The following CFAP107 variants were observed in gnomAD, a reference collection of about 807,000 sequenced individuals.
The protein encoded by CFAP107 is cilia and flagella associated protein 107.
chr1:12,759,570 A>T, the CFAP107 span: 2 of 1,512,270 alleles, frequency 1.3e-6, no homozygotes, highest in Non-Finnish European at 1.8e-6. Flanking sequence ...CTCATGCAGA[A>T]GGAGCCACAC....
At chr1:12,758,322 A>T in the CFAP107 span, among the ~76,000 whole-genome samples, 15 of 152,244 alleles carry the variant, frequency 9.9e-5, no homozygotes, top group Non-Finnish European at 2.1e-4. Flanking sequence ...AGAAACTGCA[A>T]GAAAATTCCT....
At chr1:12,759,465 G>GA in the CFAP107 span, 3 of 1,614,164 alleles carry the variant, frequency 1.9e-6, no homozygotes, top group South Asian at 2.2e-5. Context: ...GGCTGCCAGA[G>GA]AAGTCTGACT....
At chr1:12,748,971 G>T in the CFAP107 span, among the ~76,000 whole-genome samples, 5 of 152,120 alleles carry the variant, frequency 3.3e-5, no homozygotes, top group South Asian at 6.2e-4. Flanking sequence ...ATTTGAATAG[G>T]CAGGAGAAAG....
chr1:12,754,186 G>T, the CFAP107 span, among the ~76,000 whole-genome samples: 1 of 152,164 alleles, frequency 6.6e-6, no homozygotes, highest in African/African-American at 2.4e-5. Context: ...AATAGCCAAA[G>T]ACAAGCAACC....
the CFAP107 span, chr1:12,759,346 G>A: frequency 6.2e-7 from 1 of 1,614,054 alleles, no homozygotes; most frequent in Non-Finnish European, 8.5e-7. Flanking sequence ...CCACCACCAG[G>A]AGCCCCCACA....
the CFAP107 span, among the ~76,000 whole-genome samples, chr1:12,752,555 TA>T: frequency 0.16 from 7,380 of 46,366 alleles, 184 homozygotes; most frequent in African/African-American, 0.24. Context: ...CGACTCTGTC[TA>T]AAAAAAAAAA....
At chr1:12,746,821 C>T in the CFAP107 span, among the ~76,000 whole-genome samples, 10 of 152,132 alleles carry the variant, frequency 6.6e-5, no homozygotes, top group African/African-American at 2.4e-4. Flanking sequence ...AATACTGTAA[C>T]AGGGTGTCAA....
At chr1:12,755,901 C>A in the CFAP107 span, 7 of 874,424 alleles carry the variant, frequency 8.0e-6, no homozygotes, top group South Asian at 3.0e-5. Context: ...GGCTTAGTAC[C>A]GTCTTGGGGG....
At chr1:12,752,556 A>G in the CFAP107 span, among the ~76,000 whole-genome samples, 1 of 36,568 alleles carries the variant, frequency 2.7e-5, no homozygotes, top group Non-Finnish European at 5.3e-5. Context: ...GACTCTGTCT[A>G]AAAAAAAAAA....
the CFAP107 span, among the ~76,000 whole-genome samples, chr1:12,759,115 T>C: frequency 8.9e-4 from 135 of 152,266 alleles, no homozygotes; most frequent in African/African-American, 3.0e-3. Context: ...TGCAGCCAGC[T>C]GGGATGTGTT....
the CFAP107 span, chr1:12,759,715 C>T: frequency 5.0e-6 from 3 of 603,856 alleles, no homozygotes; most frequent in Non-Finnish European, 8.9e-6. Context: ...TCACCTGTGC[C>T]CCATGGTGGC....
chr1:12,759,685 T>C, the CFAP107 span: 2 of 680,158 alleles, frequency 2.9e-6, no homozygotes, highest in Non-Finnish European at 5.2e-6. Flanking sequence ...TGGGGTAATC[T>C]TGGCTGTGTA....
the CFAP107 span, chr1:12,746,667 G>T: frequency 1.5e-6 from 1 of 685,830 alleles, no homozygotes; most frequent in Non-Finnish European, 2.6e-6. Context: ...GTGGCATTGG[G>T]GTCTCTGTGC....
chr1:12,758,212 A>T, the CFAP107 span, among the ~76,000 whole-genome samples: 3 of 151,458 alleles, frequency 2.0e-5, no homozygotes, highest in Non-Finnish European at 4.4e-5. Context: ...GTAAGTAACA[A>T]GCTCTCCTTT....
chr1:12,761,023 C>A, the CFAP107 span: 3 of 1,396,636 alleles, frequency 2.1e-6, no homozygotes, highest in East Asian at 7.3e-5. Context: ...TGCCAGACAA[C>A]AAGTGGCGCA....
chr1:12,750,123 G>T, the CFAP107 span, among the ~76,000 whole-genome samples: 1 of 152,200 alleles, frequency 6.6e-6, no homozygotes, highest in Non-Finnish European at 1.5e-5. Flanking sequence ...CTATAAAAGA[G>T]TAGAGTTTTG....
the CFAP107 span, among the ~76,000 whole-genome samples, chr1:12,750,153 C>T: frequency 5.3e-5 from 8 of 152,168 alleles, no homozygotes; most frequent in South Asian, 8.3e-4. Flanking sequence ...TTCAGTTGGT[C>T]GCAATTTAAA....
chr1:12,753,847 T>C, the CFAP107 span: 1 of 152,052 alleles, frequency 6.6e-6, no homozygotes, highest in Non-Finnish European at 1.5e-5. Context: ...GGAGGACTGC[T>C]TGAGGAAAGG....
chr1:12,748,131 G>A, the CFAP107 span, among the ~76,000 whole-genome samples: 2 of 152,156 alleles, frequency 1.3e-5, no homozygotes, highest in Non-Finnish European at 2.9e-5. Flanking sequence ...TGGCAGCTCG[G>A]CTCCAAGTTC....
Sources: allele counts gnomAD v4.1 joint callset (sites outside exome capture counted in the v4.1 genomes callset), GRCh38; gene constraint gnomAD v4.1.1; transcripts MANE v1.5; gene names NCBI Gene and HGNC (gene_info 2026-07-23, HGNC 2026-07-21).